Variants in KIRREL3 observed in about 807,000 individuals in gnomAD.
KIRREL3 encodes the protein kin of IRRE-like protein 3.
KIRREL3 carries 36 observed loss-of-function variants against 89.7 expected under a neutral mutation model. The observed-to-expected ratio is 0.40, with a 90% confidence interval of 0.31 to 0.53. The LOEUF (loss-of-function observed/expected upper bound fraction) is 0.53, where lower values mean the gene tolerates loss of function less well. Ranked by LOEUF, KIRREL3 falls within the 20% of genes least tolerant of loss-of-function variation. KIRREL3 has a pLI of 0.49. For synonymous variants in KIRREL3, 445 were observed against 441.4 expected (o/e 1.01, Z -0.10); for missense variants, 864 against 1,056.6 (o/e 0.82, Z 2.53).
At chr11:126,800,310 G>A (rs1381102315) in intron 1 of KIRREL3, among the ~76,000 whole-genome samples, 1 of 152,212 alleles carries the variant, frequency 6.6e-6, no homozygotes, top group Non-Finnish European at 1.5e-5. Flanking sequence ...TGAGCACTCA[G>A]CCACTTGCTT....
chr11:126,878,600 A>G (rs1945379461), intron 1 of KIRREL3, among the ~76,000 whole-genome samples: 1 of 152,184 alleles, frequency 6.6e-6, no homozygotes. Context: ...TCTCAAAGAA[A>G]AAAATGCAAC....
rs1340789146 is a variant in KIRREL3 at position 126,906,286 on chromosome 11, G to A, written c.55+94169C>T. Reference sequence around the variant, plus strand: ...CCAGTCTCGGAAATCCAAACCTCACGCCTTGTGTGACTGATGAGCCACTTT... The same window carrying A: ...CCAGTCTCGGAAATCCAAACCTCACACCTTGTGTGACTGATGAGCCACTTT... On this transcript the variant is annotated intron_variant, in intron 1 of 16. Transcript: ENST00000525144. The surrounding 1 kb of genome is among the most constrained non-coding windows in gnomAD (Gnocchi z 4.1). 2.0e-5 allele frequency among the ~76,000 whole-genome samples: 3 copies of A among 152,176 alleles called. No individual in the cohort carries two copies. The highest frequency in any genetic ancestry group is 1.5e-5 in the Non-Finnish European group (1 of 68,032).
rs1205433174 is a variant in KIRREL3 at position 126,608,899 on chromosome 11, G to C, written c.56-45987C>G. On this transcript the variant is annotated intron_variant, in intron 1 of 16. Coordinates refer to ENST00000525144, the MANE Select transcript of KIRREL3 (RefSeq NM_032531.4). The surrounding 1 kb of genome is among the most constrained non-coding windows in gnomAD (Gnocchi z 4.9). The stretch of plus-strand genomic sequence containing the variant: ...CAGGAGGGGAGGGGATGGAGAAGCA[G>C]CTCTGGAGCCCAGCTTGCTGTTAGC... 6.6e-6 allele frequency among the ~76,000 whole-genome samples: 1 copy of C among 152,212 alleles called. No homozygotes were observed. The highest frequency in any genetic ancestry group is 6.5e-5 in the Admixed American group (1 of 15,292).
At chr11:126,451,272 G>A (rs1040322655) in intron 7 of KIRREL3, among the ~76,000 whole-genome samples, 20 of 148,782 alleles carry the variant, frequency 1.3e-4, no homozygotes, top group African/African-American at 3.2e-4. Flanking sequence ...TTGTGTGTCC[G>A]TGTGCATGTG....
intron 4 of KIRREL3, among the ~76,000 whole-genome samples, chr11:126,487,672 G>A (rs1957402497): frequency 6.6e-6 from 1 of 152,224 alleles, no homozygotes; most frequent in African/African-American, 2.4e-5. Flanking sequence ...AGATGAAAGT[G>A]TTTTAATTCT....
chr11:126,782,065 C>T lies in KIRREL3; in HGVS notation c.55+218390G>A, dbSNP rs374583094. ...CACTAGGATTAAAGCAGAGACAATGCGATGTGCTCAGCATATAATTTCCTC... is the reference window on the plus strand; with the variant it reads ...CACTAGGATTAAAGCAGAGACAATGTGATGTGCTCAGCATATAATTTCCTC... On this transcript the variant is annotated intron_variant, in intron 1 of 16. Coordinates refer to ENST00000525144, the MANE Select transcript of KIRREL3 (RefSeq NM_032531.4). The surrounding 1 kb of genome is among the most constrained non-coding windows in gnomAD (Gnocchi z 4.1). 6.7e-5 allele frequency among the ~76,000 whole-genome samples: 10 copies of T among 148,782 alleles called. No individual in the cohort carries two copies. The East Asian group carries it at 9.8e-4, about 15-fold the overall frequency.
chr11:126,889,866 T>TA (rs1945843874), intron 1 of KIRREL3, among the ~76,000 whole-genome samples: 1 of 152,226 alleles, frequency 6.6e-6, no homozygotes, highest in Non-Finnish European at 1.5e-5. Context: ...AATCACTTCA[T>TA]AAAAAATATC....
At chr11:126,621,251 G>A (rs2134839289) in intron 1 of KIRREL3, among the ~76,000 whole-genome samples, 1 of 152,306 alleles carries the variant, frequency 6.6e-6, no homozygotes, top group African/African-American at 2.4e-5. Flanking sequence ...AACCCCTTTT[G>A]ATTTGGGTTA....
rs1957078961 is a variant in KIRREL3, at chr11:126,476,720, G to A, written c.434-3254C>T. ...GATGTTTGGGGGCCAGCAGGCTGAAGAGAAATCAGCAGTCGCTCTTGGCAG... is the reference window on the plus strand; with the variant it reads ...GATGTTTGGGGGCCAGCAGGCTGAAAAGAAATCAGCAGTCGCTCTTGGCAG... On this transcript the variant is annotated intron_variant, in intron 4 of 16. Coordinates refer to ENST00000525144, the MANE Select transcript of KIRREL3 (RefSeq NM_032531.4). This position sits in a 1 kb window ranked among gnomAD's most constrained non-coding sequence, Gnocchi z 6.4. Among the ~76,000 whole-genome samples, 1 of 152,134 alleles carries A rather than the reference G, an allele frequency of 6.6e-6. No homozygotes were observed. Among genetic ancestry groups the A allele is most frequent in the African/African-American group, 2.4e-5 (1 of 41,416 alleles).
chr11:126,450,610 G>A (rs111174014), intron 7 of KIRREL3, among the ~76,000 whole-genome samples: 9,306 of 134,814 alleles, frequency 0.069, 1,009 homozygotes, highest in African/African-American at 0.24. Context: ...TGTGTCCATC[G>A]GCGTGTGCGA....
rs1388307361 is a variant in KIRREL3, at chr11:126,454,955, C to G, written c.848+1394G>C. 6.6e-6 allele frequency among the ~76,000 whole-genome samples: 1 copy of G among 152,222 alleles called. No homozygotes were observed. Among genetic ancestry groups the G allele is most frequent in the African/African-American group, 2.4e-5 (1 of 41,450 alleles). ...GACTCCAGTGCTGCTTAATTACGCACTCTGCAGGGAGCACCTCCTCATGTC... is the reference window on the plus strand; with the variant it reads ...GACTCCAGTGCTGCTTAATTACGCAGTCTGCAGGGAGCACCTCCTCATGTC... On this transcript the variant is annotated intron_variant, in intron 7 of 16. Coordinates refer to ENST00000525144, the MANE Select transcript of KIRREL3 (RefSeq NM_032531.4). This position sits in a 1 kb window ranked among gnomAD's most constrained non-coding sequence, Gnocchi z 5.8.
At chr11:126,536,609 GT>G (rs1205820197) in intron 2 of KIRREL3, among the ~76,000 whole-genome samples, 1 of 150,718 alleles carries the variant, frequency 6.6e-6, no homozygotes, top group African/African-American at 2.4e-5. Context: ...GGGATCGGGG[GT>G]GCTGAGTATC....
At position 126,664,142 on chromosome 11, in the gene KIRREL3, A is replaced by C. The variant is rs1180805744; in HGVS notation, c.56-101230T>G. 6.6e-6 allele frequency among the ~76,000 whole-genome samples: 1 copy of C among 152,220 alleles called. No homozygotes were observed. The highest frequency in any genetic ancestry group is 6.5e-5 in the Admixed American group (1 of 15,282). ...CATTAATACTGGAGCTGTTTAGAGC[A>C]AGTTGAATGGGAATATCCATAATGC... On this transcript the variant is annotated intron_variant, in intron 1 of 16. Transcript: ENST00000525144. This position sits in a 1 kb window ranked among gnomAD's most constrained non-coding sequence, Gnocchi z 5.4.
At position 126,843,107 on chromosome 11, in the gene KIRREL3, G is replaced by A. The variant is rs550415877; in HGVS notation, c.55+157348C>T. 1.3e-4 allele frequency among the ~76,000 whole-genome samples: 20 copies of A among 152,220 alleles called. No individual in the cohort carries two copies. Among genetic ancestry groups the A allele is most frequent in the Non-Finnish European group, 2.4e-4 (16 of 68,006 alleles). On this transcript the variant is annotated intron_variant, in intron 1 of 16. Coordinates refer to ENST00000525144, the MANE Select transcript of KIRREL3 (RefSeq NM_032531.4). The surrounding 1 kb of genome is among the most constrained non-coding windows in gnomAD (Gnocchi z 4.6). ...CACATTTCTATATAACAGTGTCCTC[G>A]TTCTCACCTGCCCTTTAGGACAATA...
intron 1 of KIRREL3, among the ~76,000 whole-genome samples, chr11:126,863,404 TGAGTGCG>T (rs1944776552): frequency 3.7e-5 from 1 of 27,156 alleles, no homozygotes. Context: ...TGTGAGTGCG[TGAGTGCG>T]TGTGTGAGCG....
At chr11:126,580,458 T>C (rs1392495478) in intron 1 of KIRREL3, among the ~76,000 whole-genome samples, 1 of 151,842 alleles carries the variant, frequency 6.6e-6, no homozygotes, top group East Asian at 1.9e-4. Context: ...AGGGTTCAGG[T>C]TGCGATGGGC....
At chr11:126,473,960 A>AT (rs60920110) in intron 4 of KIRREL3, among the ~76,000 whole-genome samples, 72 of 145,924 alleles carry the variant, frequency 4.9e-4, no homozygotes, top group Middle Eastern at 3.5e-3. Context: ...TGCCCGGCTA[A>AT]TTTTTTTTTT....
At chr11:126,746,272 C>T (rs1035614338) in intron 1 of KIRREL3, among the ~76,000 whole-genome samples, 23 of 152,120 alleles carry the variant, frequency 1.5e-4, no homozygotes, top group Non-Finnish European at 2.9e-4. Flanking sequence ...CTTTAATCAG[C>T]GTGTGGTTTA....
At chr11:126,517,462 G>C (rs1287305648) in intron 4 of KIRREL3, among the ~76,000 whole-genome samples, 3 of 152,150 alleles carry the variant, frequency 2.0e-5, no homozygotes, top group Non-Finnish European at 2.9e-5. Context: ...CTTCGGAGAG[G>C]GCTAGGTCTA....
Sources: allele counts gnomAD v4.1 joint callset (sites outside exome capture counted in the v4.1 genomes callset), GRCh38; gene constraint gnomAD v4.1.1; non-coding constraint Gnocchi (gnomAD v3.1); transcripts MANE v1.5; gene names NCBI Gene and HGNC (gene_info 2026-07-23, HGNC 2026-07-21).